PCDH7: variants seen among roughly 807,000 people sequenced by gnomAD.
The protein encoded by PCDH7 is protocadherin 7.
A neutral mutation model predicts 58.9 loss-of-function variants in PCDH7; 17 were observed. That is an observed-to-expected ratio of 0.29 (90% CI 0.20 to 0.43). The LOEUF is 0.43. Among genes scored for constraint, PCDH7 ranks in the 20% least tolerant of loss-of-function variants. PCDH7 has a pLI of 1.00. For synonymous variants in PCDH7, 664 were observed against 616.4 expected (o/e 1.08, Z -1.14); for missense variants, 1,274 against 1,441.0 (o/e 0.88, Z 1.88).
intron 1 of PCDH7, among the ~76,000 whole-genome samples, chr4:30,794,973 C>A (rs777421512): frequency 6.6e-6 from 1 of 151,970 alleles, no homozygotes; most frequent in Admixed American, 6.6e-5. Flanking sequence ...AATTTAAATC[C>A]ATTTATTGAG....
chr4:30,728,834 G>A (rs1033695487), intron 1 of PCDH7, among the ~76,000 whole-genome samples: 6 of 149,754 alleles, frequency 4.0e-5, no homozygotes, highest in Admixed American at 3.4e-4. Context: ...GAAAAAGTGT[G>A]AACATGGTTT....
intron 3 of PCDH7, among the ~76,000 whole-genome samples, chr4:31,113,551 A>C (rs1257232183): frequency 3.3e-5 from 5 of 152,184 alleles, no homozygotes; most frequent in Non-Finnish European, 7.3e-5. Context: ...GAGGTATTTT[A>C]TATGGCTTGT....
chr4:31,096,845 A>T (rs1013067398), intron 3 of PCDH7, among the ~76,000 whole-genome samples: 5 of 152,126 alleles, frequency 3.3e-5, no homozygotes, highest in Non-Finnish European at 7.3e-5. Context: ...AGCCAAAAAA[A>T]GAAAGAGTAT....
At chr4:30,931,264 AAAG>A (rs1744542284) in intron 2 of PCDH7, among the ~76,000 whole-genome samples, 1 of 152,102 alleles carries the variant, frequency 6.6e-6, no homozygotes, top group Non-Finnish European at 1.5e-5. Context: ...CAAAAGAAAA[AAAG>A]AAGTTGAATT....
chr4:31,059,496 T>C (rs1052267047), intron 3 of PCDH7, among the ~76,000 whole-genome samples: 4 of 151,870 alleles, frequency 2.6e-5, no homozygotes, highest in Non-Finnish European at 4.4e-5. Context: ...CCAGAGTATA[T>C]GTAAATATTT....
chr4:30,764,031 C>A (rs1720378692), intron 1 of PCDH7, among the ~76,000 whole-genome samples: 1 of 152,138 alleles, frequency 6.6e-6, no homozygotes, highest in African/African-American at 2.4e-5. Flanking sequence ...TATGACTGTA[C>A]TAAATATACT....
Position 30,722,181 on chromosome 4 carries a change from C to T in PCDH7, c.759C>T (p.Asp253=). Residue 253 remains aspartate, a synonymous_variant, in exon 1 of 2, where the codon GAC becomes GAT. Transcript: ENST00000361762. The surrounding 1 kb of genome is among the most constrained non-coding windows in gnomAD (Gnocchi z 7.6). ...AGCTGCAGGTGGCGGACACCCCGGA[C>T]GGCGAGAAGCAGCCGCAGCTGATCG... 8 of 1,555,878 alleles carry T rather than the reference C, an allele frequency of 5.1e-6. 1 individual carries two copies. The highest frequency in any genetic ancestry group is 2.4e-5 in the South Asian group (2 of 84,886).
At chr4:30,882,294 G>C (rs957024236) in intron 1 of PCDH7, among the ~76,000 whole-genome samples, 1 of 151,512 alleles carries the variant, frequency 6.6e-6, no homozygotes, top group African/African-American at 2.4e-5. Flanking sequence ...AAAGGGTCTT[G>C]TTCTGTAGCT....
At chr4:30,979,317 C>A (rs1212565693) in intron 3 of PCDH7, among the ~76,000 whole-genome samples, 2 of 136,762 alleles carry the variant, frequency 1.5e-5, no homozygotes, top group Non-Finnish European at 3.0e-5. Context: ...GAGAGTGAAA[C>A]TCTGTCTCAA....
intron 3 of PCDH7, among the ~76,000 whole-genome samples, chr4:31,046,389 G>A (rs974479962): frequency 6.6e-6 from 1 of 151,816 alleles, no homozygotes; most frequent in Non-Finnish European, 1.5e-5. Flanking sequence ...CTCTTCTTGG[G>A]TTATTAAGAA....
chr4:30,980,678 C>T (rs1235358547), intron 3 of PCDH7, among the ~76,000 whole-genome samples: 1 of 152,056 alleles, frequency 6.6e-6, no homozygotes, highest in African/African-American at 2.4e-5. Flanking sequence ...TCAAAGGCCT[C>T]TAATATCTAC....
intron 3 of PCDH7, among the ~76,000 whole-genome samples, chr4:31,019,439 C>T (rs936903565): frequency 9.2e-5 from 14 of 152,152 alleles, no homozygotes; most frequent in Middle Eastern, 6.8e-3. Flanking sequence ...CATGGTGGCT[C>T]GTGCCTATAA....
intron 3 of PCDH7, among the ~76,000 whole-genome samples, chr4:31,138,280 A>G (rs957789352): frequency 3.3e-5 from 5 of 152,218 alleles, no homozygotes; most frequent in Non-Finnish European, 7.3e-5. Context: ...CTGACTTCTT[A>G]AGAAAACATA....
At chr4:30,837,428 T>C (rs1424675208) in intron 1 of PCDH7, among the ~76,000 whole-genome samples, 2 of 150,950 alleles carry the variant, frequency 1.3e-5, no homozygotes, top group African/African-American at 4.9e-5. Context: ...ATTCCAGAGA[T>C]AATTGCCTAC....
rs1482914697 is a variant in PCDH7 at position 31,097,586 on chromosome 4, A to G, written c.*8-44887A>G. On this transcript the variant is annotated intron_variant, in intron 3 of 3. Coordinates refer to the PCDH7 transcript ENST00000509759. ...ATGTGGCTGTTTTTCCTCCAAATAT[A>G]CATATATATATATATATATATATAT... is the stretch of plus-strand genomic sequence containing the variant. Among the ~76,000 whole-genome samples the G allele has an allele frequency of 3.3e-5, 3 of 92,098 alleles. 1 individual carries two copies. The East Asian group carries it at 9.6e-4, about 29-fold the overall frequency. The allele number at this position is 92,098 out of a possible 152,430, so 60.4% of individuals were successfully genotyped here.
intron 1 of PCDH7, among the ~76,000 whole-genome samples, chr4:30,785,610 A>G (rs894817228): frequency 1.3e-5 from 2 of 152,032 alleles, no homozygotes; most frequent in African/African-American, 4.8e-5. Flanking sequence ...ATTTTAATGC[A>G]TTTTCTGTTC....
chr4:30,817,603 C>T (rs1477255703), intron 1 of PCDH7, among the ~76,000 whole-genome samples: 6 of 151,968 alleles, frequency 3.9e-5, no homozygotes, highest in African/African-American at 7.2e-5. Flanking sequence ...TTTTAATACT[C>T]ATCCTTCTGA....
At chr4:30,884,066 T>C (rs375069294) in intron 1 of PCDH7, among the ~76,000 whole-genome samples, 5 of 152,292 alleles carry the variant, frequency 3.3e-5, no homozygotes, top group South Asian at 2.1e-4. Context: ...ATTTTAATAT[T>C]ACATATTAAA....
At chr4:31,054,053 C>T (rs1756957215) in intron 3 of PCDH7, among the ~76,000 whole-genome samples, 1 of 152,008 alleles carries the variant, frequency 6.6e-6, no homozygotes, top group South Asian at 2.1e-4. Context: ...GCAACCTCTA[C>T]CTCCCAGGCT....
Sources: allele counts gnomAD v4.1 joint callset (sites outside exome capture counted in the v4.1 genomes callset), GRCh38; gene constraint gnomAD v4.1.1; non-coding constraint Gnocchi (gnomAD v3.1); transcripts MANE v1.5; gene names NCBI Gene and HGNC (gene_info 2026-07-23, HGNC 2026-07-21).